Variants in GRM1 observed in about 807,000 individuals in gnomAD.
GRM1 encodes the protein glutamate metabotropic receptor 1, also known as metabotropic glutamate receptor 1.
In GRM1, 33 loss-of-function variants were observed where a neutral mutation model predicts 90.9. The observed-to-expected ratio is 0.36, with a 90% CI of 0.28 to 0.49. The LOEUF (loss-of-function observed/expected upper bound fraction) is 0.49. Among genes scored for constraint, GRM1 ranks in the 20% least tolerant of loss-of-function variants. The probability of loss-of-function intolerance (pLI) is 0.99; values close to 1 mark genes in which losing one functional copy is unlikely to be tolerated. For synonymous variants in GRM1, 700 were observed against 613.2 expected, an observed-to-expected ratio of 1.14 and a Z score of -2.09; for missense variants, 1,190 against 1,534.3, an observed-to-expected ratio of 0.78 and a Z score of 3.75.
chr6:146,048,053 C>T (rs1173358004), intron 1 of GRM1, among the ~76,000 whole-genome samples: 31 of 151,970 alleles, frequency 2.0e-4, no homozygotes, highest in Admixed American at 2.0e-3. Context: ...CTCATCAACT[C>T]TTAAGGCATA....
rs1442884185 is a variant in GRM1 at position 146,409,671 on chromosome 6, A to G, written c.2660+9972A>G. ...TTAAGTTACAGGACAACAATAAAAT[A>G]TTATTAACATTAGTTAATAGAATAA... On this transcript the variant is annotated intron_variant, in intron 7 of 7. Transcript: ENST00000282753. 3.9e-5 allele frequency among the ~76,000 whole-genome samples: 6 copies of G among 152,062 alleles called. No homozygotes were observed. In the East Asian group the frequency reaches 1.2e-3, roughly 29 times the overall value.
At chr6:146,394,651 G>A (rs375721628) in intron 6 of GRM1, among the ~76,000 whole-genome samples, 150 of 152,074 alleles carry the variant, frequency 9.9e-4, no homozygotes, top group Non-Finnish European at 1.6e-3. Context: ...TAAATATTCC[G>A]GTGAAAATGT....
At chr6:146,037,707 T>C (rs1790941012) in intron 1 of GRM1, among the ~76,000 whole-genome samples, 1 of 152,000 alleles carries the variant, frequency 6.6e-6, no homozygotes, top group Non-Finnish European at 1.5e-5. Context: ...ATACCTATCC[T>C]CATAGCTCAT....
chr6:146,139,537 G>A (rs1405527375), intron 1 of GRM1, among the ~76,000 whole-genome samples: 1 of 151,982 alleles, frequency 6.6e-6, no homozygotes, highest in Non-Finnish European at 1.5e-5. Context: ...TATCCTCTTG[G>A]TGAATTGACC....
At chr6:146,390,495 C>A (rs532413564) in intron 6 of GRM1, among the ~76,000 whole-genome samples, 12 of 150,950 alleles carry the variant, frequency 7.9e-5, no homozygotes, top group South Asian at 4.2e-4. Flanking sequence ...ATTTGTGGAC[C>A]AATTATATGT....
chr6:146,072,820 T>C (rs928031892), intron 1 of GRM1, among the ~76,000 whole-genome samples: 1 of 152,194 alleles, frequency 6.6e-6, no homozygotes, highest in Non-Finnish European at 1.5e-5. Flanking sequence ...AGACGCTTGA[T>C]ATATTCTCCA....
At chr6:146,186,844 G>A (rs1778752531) in intron 2 of GRM1, among the ~76,000 whole-genome samples, 1 of 152,152 alleles carries the variant, frequency 6.6e-6, no homozygotes. Context: ...GGGCTATAGG[G>A]GTTATATTGT....
At chr6:146,307,520 TGG>T (rs1783621062) in intron 3 of GRM1, among the ~76,000 whole-genome samples, 1 of 152,204 alleles carries the variant, frequency 6.6e-6, no homozygotes, top group African/African-American at 2.4e-5. Context: ...TCTGTGAAAT[TGG>T]CTTCAATGTT....
intron 1 of GRM1, among the ~76,000 whole-genome samples, chr6:146,048,466 G>A (rs965260885): frequency 2.0e-5 from 3 of 151,886 alleles, no homozygotes; most frequent in Admixed American, 6.6e-5. Flanking sequence ...TAAAACATAT[G>A]CTTTTTCAAA....
rs1354879365 is a variant in GRM1 at position 146,420,512 on chromosome 6, T to G, written c.2661-13360T>G. Reference sequence around the variant, plus strand: ...TTACGTTAAGCAGTGCCCCTCTACTTAGGAGAGGAAATGGTAAGGCAAGAT... The same window carrying G: ...TTACGTTAAGCAGTGCCCCTCTACTGAGGAGAGGAAATGGTAAGGCAAGAT... On this transcript the variant is annotated intron_variant, in intron 7 of 7. Transcript: ENST00000282753. 2.6e-5 allele frequency among the ~76,000 whole-genome samples: 4 copies of G among 152,206 alleles called. No homozygotes were observed. The East Asian group carries it at 7.7e-4, about 29-fold the overall frequency.
intron 5 of GRM1, among the ~76,000 whole-genome samples, chr6:146,381,016 C>T (rs1776299182): frequency 6.6e-6 from 1 of 152,174 alleles, no homozygotes; most frequent in Admixed American, 6.5e-5. Context: ...GTCCTCCCAA[C>T]TCTTTCCTCT....
chr6:146,334,139 G>A (rs575069721), intron 3 of GRM1, among the ~76,000 whole-genome samples: 35 of 152,180 alleles, frequency 2.3e-4, no homozygotes, highest in Non-Finnish European at 4.1e-4. Flanking sequence ...TTTCAGGAAG[G>A]GCTTCCACAC....
At chr6:146,337,714 T>C (rs1784823379) in intron 3 of GRM1, among the ~76,000 whole-genome samples, 1 of 152,150 alleles carries the variant, frequency 6.6e-6, no homozygotes, top group Non-Finnish European at 1.5e-5. Context: ...TTTGTGTTTA[T>C]TTACAGGAAA....
intron 2 of GRM1, among the ~76,000 whole-genome samples, chr6:146,241,539 G>A (rs1780863654): frequency 6.6e-6 from 1 of 152,116 alleles, no homozygotes; most frequent in South Asian, 2.1e-4. Flanking sequence ...CACTTCACAT[G>A]CATTGGGGTT....
At chr6:146,239,761 G>T (rs1180299289) in intron 2 of GRM1, among the ~76,000 whole-genome samples, 1 of 152,090 alleles carries the variant, frequency 6.6e-6, no homozygotes, top group East Asian at 1.9e-4. Flanking sequence ...TAATCTAATG[G>T]TTCTCATCAG....
intron 2 of GRM1, among the ~76,000 whole-genome samples, chr6:146,181,926 G>A (rs1778566258): frequency 1.3e-5 from 2 of 152,120 alleles, no homozygotes; most frequent in South Asian, 4.2e-4. Flanking sequence ...ATTATTCTTG[G>A]AACACACAGC....
chr6:146,332,466 C>T (rs996438206), intron 3 of GRM1, among the ~76,000 whole-genome samples: 21 of 152,170 alleles, frequency 1.4e-4, no homozygotes, highest in African/African-American at 1.4e-4. Flanking sequence ...CATCCCTTTT[C>T]GTGCTTTCCA....
intron 3 of GRM1, among the ~76,000 whole-genome samples, chr6:146,307,240 AAGAGCTTCTTATATG>A (rs1426202652): frequency 1.3e-5 from 2 of 152,226 alleles, no homozygotes; most frequent in Non-Finnish European, 2.9e-5. Flanking sequence ...AGCTGTGTTT[AAGAGCTTCTTATATG>A]ATTACAATCT....
intron 2 of GRM1, among the ~76,000 whole-genome samples, chr6:146,281,556 G>A (rs910438084): frequency 6.6e-6 from 1 of 152,080 alleles, no homozygotes; most frequent in South Asian, 2.1e-4. Flanking sequence ...AATAGTTTTA[G>A]CAATGTAATT....
Sources: gnomAD v4.1 joint callset for allele counts (sites outside exome capture counted in the v4.1 genomes callset) on GRCh38, gnomAD v4.1.1 for gene constraint, MANE v1.5 for transcripts, NCBI Gene and HGNC (gene_info 2026-07-23, HGNC 2026-07-21) for gene names.